Variants in RHBDF2 observed in about 807,000 individuals in gnomAD.
RHBDF2 encodes rhomboid 5 homolog 2, also known as inactive rhomboid protein 2.
A neutral mutation model predicts 95.2 loss-of-function variants in RHBDF2; 38 were observed. The observed-to-expected ratio is 0.40, with a 90% CI of 0.31 to 0.52. RHBDF2 has a LOEUF of 0.52. Ranked by LOEUF, RHBDF2 falls within the 20% of genes least tolerant of loss-of-function variation. The pLI is 0.56. For synonymous variants in RHBDF2, 442 were observed against 462.0 expected (o/e 0.96, Z 0.55); for missense variants, 863 against 1,137.7 (o/e 0.76, Z 3.47).
Position 76,477,660 on chromosome 17 carries a change from A to G in RHBDF2, c.798T>C (p.Ser266=). ...CTGTCCCACACCCCATGCTTGCCTT[A>G]CTAAAAAAGGAGGAGTCAAACGTGT... The part of the protein sequence containing the change: ...GADTFDSSFF[S]KEEMSSMPDD... Residue 266 remains serine, a synonymous_variant, in exon 7 of 19, where the codon AGT becomes AGC. Transcript: ENST00000675367. 2 of 1,613,990 alleles carry G rather than the reference A, an allele frequency of 1.2e-6. No homozygotes were observed. Among genetic ancestry groups the G allele is most frequent in the Non-Finnish European group, 1.7e-6 (2 of 1,179,932 alleles).
rs1233290223 is a variant in RHBDF2 at position 76,477,563 on chromosome 17, T to G, written c.801+94A>C. Reference sequence around the variant, plus strand: ...TCCCAGCAGTGGGCCTCTGGGTCCCTCAGGGGTTCCTGAATATGATCAATG... The same window carrying G: ...TCCCAGCAGTGGGCCTCTGGGTCCCGCAGGGGTTCCTGAATATGATCAATG... On this transcript the variant is annotated intron_variant, in intron 7 of 18. Coordinates refer to ENST00000675367, the MANE Select transcript of RHBDF2 (RefSeq NM_001005498.4). 1.5e-5 allele frequency: 21 copies of G among 1,403,494 alleles called. No homozygotes were observed. In the Admixed American group the frequency reaches 3.0e-4, roughly 20 times the overall value. The allele number at this position is 1,403,494 out of a possible 1,614,324, so 86.9% of individuals were successfully genotyped here.
intron 1 of RHBDF2, among the ~76,000 whole-genome samples, chr17:76,489,298 T>C (rs1162539204): frequency 6.6e-6 from 1 of 150,704 alleles, no homozygotes; most frequent in Non-Finnish European, 1.5e-5. Flanking sequence ...TCAACCATTT[T>C]AAAGCACGAA....
intron 18 of RHBDF2, 94 bp from the exon 19 acceptor site, chr17:76,472,146 C>T (rs2073593190): frequency 7.7e-7 from 1 of 1,303,474 alleles, no homozygotes. Context: ...CAGCTCCTCC[C>T]TGGCAGGCAT....
chr17:76,481,354 C>G, intron 3 of RHBDF2, 21 bp downstream of exon 3: 3 of 1,598,808 alleles, frequency 1.9e-6, no homozygotes, highest in Non-Finnish European at 2.6e-6. Flanking sequence ...GAACAGTGAG[C>G]CCCCAGGCCA....
chr17:76,497,367 T>C (rs1285339032), intron 1 of RHBDF2, among the ~76,000 whole-genome samples: 1 of 151,840 alleles, frequency 6.6e-6, no homozygotes, highest in African/African-American at 2.4e-5. Flanking sequence ...TGGGCAGAGG[T>C]CAGCAGTTCA....
rs148561920 is a variant in RHBDF2, at chr17:76,489,083, G to A, written c.-219-1174C>T. On this transcript the variant is annotated intron_variant, in intron 1 of 18. Coordinates refer to ENST00000675367, the MANE Select transcript of RHBDF2 (RefSeq NM_001005498.4). ...GGAGGTTGCAGTGAGCCGAGATCGC[G>A]CCACTGCACTCCAGCCTGGGTGACA... 6.3e-3 allele frequency among the ~76,000 whole-genome samples: 951 copies of A among 152,048 alleles called. 7 individuals carry two copies. The highest frequency in any genetic ancestry group is 0.021 in the African/African-American group (873 of 41,496).
chr17:76,477,377 G>A, intron 7 of RHBDF2, 79 bp from the exon 8 acceptor site: 1 of 1,496,368 alleles, frequency 6.7e-7, no homozygotes, highest in Non-Finnish European at 9.1e-7. Flanking sequence ...TCAAGGGCAG[G>A]ACACAGCTGA....
At chr17:76,497,949 T>A (rs1397203446) in intron 1 of RHBDF2, among the ~76,000 whole-genome samples, 2 of 152,208 alleles carry the variant, frequency 1.3e-5, no homozygotes, top group African/African-American at 4.8e-5. Flanking sequence ...ACCACTTTCC[T>A]GCAGGAGCCG....
intron 1 of RHBDF2, among the ~76,000 whole-genome samples, chr17:76,496,798 G>A (rs1410520111): frequency 6.6e-6 from 1 of 151,888 alleles, no homozygotes; most frequent in Non-Finnish European, 1.5e-5. Context: ...GTCTCGCTCT[G>A]CTGCCCAGGC....
At chr17:76,481,690 C>A in intron 2 of RHBDF2, 145 bp from the exon 3 acceptor site, 1 of 675,954 alleles carries the variant, frequency 1.5e-6, no homozygotes, top group Non-Finnish European at 2.4e-6. Flanking sequence ...CGCGGTGGCT[C>A]ACGCCTGTAA....
Position 76,480,657 on chromosome 17 carries a change from A to G in RHBDF2, c.150+718T>C, listed in dbSNP as rs148026507. Among the ~76,000 whole-genome samples the G allele has an allele frequency of 4.2e-3, 642 of 152,258 alleles. 4 individuals are homozygous for G. The highest frequency in any genetic ancestry group is 6.4e-3 in the Non-Finnish European group (432 of 68,016). Reference sequence around the variant, plus strand: ...TGCCTCAGCCTCCCAAAGTGATGAGATTACAGGCATGAGGCGACCTCGCCC... The same window carrying G: ...TGCCTCAGCCTCCCAAAGTGATGAGGTTACAGGCATGAGGCGACCTCGCCC... On this transcript the variant is annotated intron_variant, in intron 3 of 18. Transcript: ENST00000675367.
intron 2 of RHBDF2, among the ~76,000 whole-genome samples, chr17:76,487,061 C>A (rs35105268): frequency 0.1 from 15,119 of 146,198 alleles, 911 homozygotes; most frequent in South Asian, 0.21. Flanking sequence ...TGGGTTCAAG[C>A]AATTCTCCTG....
chr17:76,500,943 A>G (rs2074562545), intron 1 of RHBDF2: 1 of 152,226 alleles, frequency 6.6e-6, no homozygotes, highest in African/African-American at 2.4e-5. Context: ...CACCCGGGAG[A>G]AAGTGGAGGG....
chr17:76,483,737 G>A (rs2074039550), intron 2 of RHBDF2, among the ~76,000 whole-genome samples: 1 of 152,240 alleles, frequency 6.6e-6, no homozygotes, highest in Non-Finnish European at 1.5e-5. Context: ...TACACCGCGT[G>A]TGCTTGTTTA....
At chr17:76,491,337 C>G (rs144357228) in intron 1 of RHBDF2, among the ~76,000 whole-genome samples, 69 of 152,316 alleles carry the variant, frequency 4.5e-4, no homozygotes, top group African/African-American at 1.5e-3. Flanking sequence ...GGATCCGCTG[C>G]ATGGCTGGCA....
chr17:76,492,602 C>T (rs1160577043), intron 1 of RHBDF2, among the ~76,000 whole-genome samples: 1 of 152,210 alleles, frequency 6.6e-6, no homozygotes. Flanking sequence ...GCCCACTGCC[C>T]CTCCCAACTC....
rs752630706 is a variant in RHBDF2 at position 76,471,486 on chromosome 17, G to A, written c.*147C>T. 5.6e-6 allele frequency: 5 copies of A among 889,852 alleles called. No homozygotes were observed. The highest frequency in any genetic ancestry group is 2.7e-5 in the East Asian group (1 of 37,102). 55.1% of individuals were successfully genotyped at this position (889,852 alleles called of 1,614,324 possible). A position where few individuals can be genotyped will look rare whatever the true frequency, so the allele number is the denominator to read the frequency against. Reference sequence around the variant, plus strand: ...AACCATCTCACGCGGAGTCAGCCTCGCCTGGCAGGGGGGCACCCAGGTCCA... The same window carrying A: ...AACCATCTCACGCGGAGTCAGCCTCACCTGGCAGGGGGGCACCCAGGTCCA... On this transcript the variant is annotated 3_prime_UTR_variant, in exon 19 of 19. Coordinates refer to ENST00000675367, the MANE Select transcript of RHBDF2 (RefSeq NM_001005498.4).
chr17:76,477,062 C>G (rs1284709338), intron 8 of RHBDF2, 38 bp from the exon 9 acceptor site: 1 of 1,611,480 alleles, frequency 6.2e-7, no homozygotes, highest in Non-Finnish European at 8.5e-7. Flanking sequence ...AATCCCCCAC[C>G]AAAATACTCC....
chr17:76,495,973 T>A (rs1187551992), intron 1 of RHBDF2, among the ~76,000 whole-genome samples: 1 of 152,188 alleles, frequency 6.6e-6, no homozygotes, highest in Non-Finnish European at 1.5e-5. Context: ...AGCCACGTGC[T>A]TATGGCCCAC....
Sources: allele counts gnomAD v4.1 joint callset (sites outside exome capture counted in the v4.1 genomes callset), GRCh38; gene constraint gnomAD v4.1.1; transcripts MANE v1.5; gene names NCBI Gene and HGNC (gene_info 2026-07-23, HGNC 2026-07-21).